Variants in SLC36A1 observed in about 807,000 individuals in gnomAD.
SLC36A1 encodes solute carrier family 36 member 1.
SLC36A1 carries 30 observed loss-of-function variants against 47.5 expected under a neutral mutation model. That is an observed-to-expected ratio of 0.63 (90% CI 0.47 to 0.86). The LOEUF (loss-of-function observed/expected upper bound fraction) is 0.86. SLC36A1 is among the 40% of genes least tolerant of loss of function. The probability of loss-of-function intolerance (pLI) is 0.00; values close to 1 mark genes in which losing one functional copy is unlikely to be tolerated. For missense variants in SLC36A1, 517 were observed against 606.0 expected, an observed-to-expected ratio of 0.85 and a Z score of 1.54; for synonymous variants, 255 against 249.7, an observed-to-expected ratio of 1.02 and a Z score of -0.20.
At chr5:151,364,130 T>C in the SLC36A1 span, among the ~76,000 whole-genome samples, 1 of 152,234 alleles carries the variant, frequency 6.6e-6, no homozygotes, top group Non-Finnish European at 1.5e-5. Flanking sequence ...ATTTTAACTT[T>C]TATAATAGAT....
the SLC36A1 span, among the ~76,000 whole-genome samples, chr5:151,372,036 G>C: frequency 6.6e-6 from 1 of 152,162 alleles, no homozygotes; most frequent in East Asian, 1.9e-4. Context: ...TGCCTTGTGA[G>C]TTTGGTGAAC....
the SLC36A1 span, chr5:151,538,020 A>G: frequency 5.3e-5 from 74 of 1,394,240 alleles, no homozygotes; most frequent in African/African-American, 6.4e-4. Flanking sequence ...AGAGTGACTG[A>G]CTGAGGGAGG....
chr5:151,477,156 C>T (rs1758184286), intron 9 of SLC36A1, among the ~76,000 whole-genome samples: 1 of 152,200 alleles, frequency 6.6e-6, no homozygotes, highest in Non-Finnish European at 1.5e-5. Context: ...GGGAGCATCT[C>T]ACTGTGAGCC....
chr5:151,542,874 C>T, the SLC36A1 span: 5 of 1,614,068 alleles, frequency 3.1e-6, no homozygotes, highest in Non-Finnish European at 4.2e-6. Flanking sequence ...TGGGCTTCCT[C>T]ACCTTTATGA....
At chr5:151,486,315 C>CA (rs1759535776) in intron 10 of SLC36A1, among the ~76,000 whole-genome samples, 1 of 152,168 alleles carries the variant, frequency 6.6e-6, no homozygotes. Flanking sequence ...CACTTCCCAC[C>CA]AGGCCCCACC....
chr5:151,389,474 G>A, the SLC36A1 span, among the ~76,000 whole-genome samples: 770 of 151,200 alleles, frequency 5.1e-3, 8 homozygotes, highest in African/African-American at 0.018. Flanking sequence ...GGTTTGTTAC[G>A]TATGTATACA....
the SLC36A1 span, chr5:151,512,255 G>A: frequency 6.2e-7 from 1 of 1,614,226 alleles, no homozygotes; most frequent in Non-Finnish European, 8.5e-7. This position sits in a 1 kb window ranked among gnomAD's most constrained non-coding sequence, Gnocchi z 4.1. Flanking sequence ...GTGAGGGCTT[G>A]TGTCTCCAGC....
the SLC36A1 span, among the ~76,000 whole-genome samples, chr5:151,430,002 A>T: frequency 6.6e-6 from 1 of 152,084 alleles, no homozygotes; most frequent in Non-Finnish European, 1.5e-5. Flanking sequence ...GATATAGAAG[A>T]TCCCTTTTTT....
chr5:151,448,577 G>C (rs1753165307), intron 1 of SLC36A1, among the ~76,000 whole-genome samples: 1 of 152,242 alleles, frequency 6.6e-6, no homozygotes, highest in African/African-American at 2.4e-5. Context: ...GTGCTTCTGG[G>C]AAGATAGGTG....
At chr5:151,510,623 G>T in the SLC36A1 span, 1 of 154,084 alleles carries the variant, frequency 6.5e-6, no homozygotes, top group Admixed American at 6.4e-5. Flanking sequence ...CAAAGCTGGG[G>T]TTCAAACCTA....
At chr5:151,471,527 T>A (rs937671337) in intron 7 of SLC36A1, among the ~76,000 whole-genome samples, 13 of 152,238 alleles carry the variant, frequency 8.5e-5, no homozygotes, top group African/African-American at 3.1e-4. Context: ...AGATAGCACC[T>A]GTTTCCAATA....
chr5:151,369,569 T>C, the SLC36A1 span, among the ~76,000 whole-genome samples: 1 of 152,146 alleles, frequency 6.6e-6, no homozygotes, highest in South Asian at 2.1e-4. Context: ...TTCAAACTCT[T>C]GGGCTCAAGT....
At chr5:151,545,824 C>A in the SLC36A1 span, 1 of 1,614,220 alleles carries the variant, frequency 6.2e-7, no homozygotes, top group Non-Finnish European at 8.5e-7. Context: ...AGCTGCTTCA[C>A]TAATTTGGCC....
chr5:151,538,607 T>C, the SLC36A1 span, among the ~76,000 whole-genome samples: 1 of 152,218 alleles, frequency 6.6e-6, no homozygotes, highest in Non-Finnish European at 1.5e-5. Context: ...GCAAGCATCA[T>C]GGTTTCCACC....
chr5:151,516,366 A>G, the SLC36A1 span, among the ~76,000 whole-genome samples: 1 of 152,054 alleles, frequency 6.6e-6, no homozygotes, highest in African/African-American at 2.4e-5. Context: ...AAAAGAAAAA[A>G]ATTAGTGAGC....
chr5:151,527,911 T>C, the SLC36A1 span: 103 of 1,533,640 alleles, frequency 6.7e-5, no homozygotes, highest in Non-Finnish European at 8.5e-5. Flanking sequence ...GATGGGGTCT[T>C]GACAGCGATT....
chr5:151,468,266 A>AAATATATATATATATATATAT (rs55642458), intron 7 of SLC36A1, among the ~76,000 whole-genome samples: 4 of 63,818 alleles, frequency 6.3e-5, no homozygotes, highest in African/African-American at 3.5e-4. Context: ...AAAAAAAAAA[A>AAATATATATATATATATATAT]ATATATATAT....
At chr5:151,549,292 C>T in the SLC36A1 span, 3 of 1,612,246 alleles carry the variant, frequency 1.9e-6, no homozygotes, top group Non-Finnish European at 2.5e-6. Context: ...CCAGGCCTCT[C>T]ACCTTTCAGG....
the SLC36A1 span, chr5:151,511,962 GAT>G: frequency 1.5e-5 from 9 of 591,264 alleles, no homozygotes; most frequent in Non-Finnish European, 2.4e-5. Context: ...GAAGTAGAAA[GAT>G]AGTTTTTGTT....
Sources: gnomAD v4.1 joint callset for allele counts (sites outside exome capture counted in the v4.1 genomes callset) on GRCh38, gnomAD v4.1.1 for gene constraint, Gnocchi (gnomAD v3.1) non-coding constraint, MANE v1.5 for transcripts, NCBI Gene and HGNC (gene_info 2026-07-23, HGNC 2026-07-21) for gene names.